LZIC: variants seen among roughly 807,000 people sequenced by gnomAD.
LZIC encodes leucine zipper and CTNNBIP1 domain containing, also known as protein LZIC.
A neutral mutation model predicts 25.4 loss-of-function variants in LZIC; 28 were observed. The ratio of observed to expected loss-of-function variants is 1.10; its 90% confidence interval spans 0.82 to 1.51. LZIC has a LOEUF of 1.51. Ranked by LOEUF, LZIC falls within the 40% of genes most tolerant of loss-of-function variation. The pLI is 0.00. For missense variants in LZIC, 170 were observed against 211.1 expected (o/e 0.81, Z 1.21); for synonymous variants, 65 against 70.7 (o/e 0.92, Z 0.40).
intron 2 of LZIC, among the ~76,000 whole-genome samples, chr1:9,941,962 G>C (rs989288315): frequency 6.6e-6 from 1 of 152,024 alleles, no homozygotes; most frequent in African/African-American, 2.4e-5. Context: ...TGTCGTCCAG[G>C]ATGGAGTGCA....
chr1:9,936,128 CAAAA>C (rs5772391), intron 3 of LZIC, among the ~76,000 whole-genome samples: 5 of 131,970 alleles, frequency 3.8e-5, no homozygotes, highest in South Asian at 2.4e-4. Context: ...GACTCTGTCT[CAAAA>C]AAAAAAAAAA....
chr1:9,922,598 TG>T (rs1356147478), downstream of LZIC, among the ~76,000 whole-genome samples: 5 of 152,246 alleles, frequency 3.3e-5, no homozygotes, highest in Admixed American at 2.0e-4. Context: ...GTGCTCAGCA[TG>T]GGAGCATTTC....
chr1:9,943,145 G>T (rs958402078), intron 1 of LZIC, 104 bp downstream of exon 1: 1 of 176,598 alleles, frequency 5.7e-6, no homozygotes, highest in Non-Finnish European at 1.2e-5. Context: ...GCGGGAACTT[G>T]AAGTCCGGCA....
chr1:9,936,348 C>T (rs1460570406), intron 3 of LZIC, among the ~76,000 whole-genome samples, 171 bp downstream of exon 3: 2 of 152,108 alleles, frequency 1.3e-5, no homozygotes, highest in Non-Finnish European at 2.9e-5. Flanking sequence ...CTTTCATTTC[C>T]CAGCCTTTAT....
At chr1:9,937,966 TG>T (rs1640534307) in intron 2 of LZIC, among the ~76,000 whole-genome samples, 1 of 151,650 alleles carries the variant, frequency 6.6e-6, no homozygotes, top group Non-Finnish European at 1.5e-5. Context: ...CAAAAATACC[TG>T]AAAGTCCTCT....
chr1:9,924,385 T>C (rs530589758), downstream of LZIC, among the ~76,000 whole-genome samples: 13 of 152,248 alleles, frequency 8.5e-5, no homozygotes, highest in South Asian at 2.1e-4. Flanking sequence ...GACGGAGTCT[T>C]GCTCTGTCAC....
rs1640113669 is a variant in LZIC at position 9,929,231 on chromosome 1, C to T, written c.*1168G>A. 1 of 795,466 alleles carries T rather than the reference C, an allele frequency of 1.3e-6. No individual in the cohort carries two copies. Among genetic ancestry groups the T allele is most frequent in the Admixed American group, 6.2e-5 (1 of 16,012 alleles). The allele number at this position is 795,466 out of a possible 1,614,324, so 49.3% of individuals were successfully genotyped here. ...AATAAGGCATCAGTGTAGCGGAGGT[C>T]CTCTAATCTGTCTGGTTGGCAAAGC... On this transcript the variant is annotated 3_prime_UTR_variant, in exon 8 of 8. Coordinates refer to ENST00000377223, the MANE Select transcript of LZIC (RefSeq NM_032368.5).
At chr1:9,923,407 G>A (rs899488768), downstream of LZIC, among the ~76,000 whole-genome samples, 1 of 151,432 alleles carries the variant, frequency 6.6e-6, no homozygotes, top group Non-Finnish European at 1.5e-5. Context: ...ACAGGGTTTC[G>A]CCATGTTGGC....
At chr1:9,924,861 G>A (rs1639944117), downstream of LZIC, among the ~76,000 whole-genome samples, 1 of 152,060 alleles carries the variant, frequency 6.6e-6, no homozygotes, top group African/African-American at 2.4e-5. Flanking sequence ...GACCTGCTAC[G>A]ATGTTTTACA....
Position 9,930,071 on chromosome 1 carries a change from C to T in LZIC, c.*328G>A, listed in dbSNP as rs1355455649. The T allele has an allele frequency of 5.7e-6, 6 of 1,058,170 alleles. No individual in the cohort carries two copies. Among genetic ancestry groups the T allele is most frequent in the East Asian group, 6.7e-5 (1 of 14,946 alleles). 65.5% of individuals were successfully genotyped at this position (1,058,170 alleles called of 1,614,324 possible). On this transcript the variant is annotated 3_prime_UTR_variant, in exon 8 of 8. Coordinates refer to ENST00000377223, the MANE Select transcript of LZIC (RefSeq NM_032368.5). ...AAAATATCATTACTTCACATCTTTTCGTTCACTATCAACACTTAAAAACAA... is the reference window on the plus strand; with the variant it reads ...AAAATATCATTACTTCACATCTTTTTGTTCACTATCAACACTTAAAAACAA...
downstream of LZIC, chr1:9,922,216 G>T (rs759651412): frequency 7.9e-5 from 68 of 857,184 alleles, no homozygotes; most frequent in Non-Finnish European, 9.1e-5. Context: ...TTTAACTTGG[G>T]TTCATCCTTT....
At position 9,927,989 on chromosome 1, in the gene LZIC, T is replaced by A. The variant is rs915661600; in HGVS notation, c.*2410A>T. On this transcript the variant is annotated 3_prime_UTR_variant, in exon 8 of 8. Transcript: ENST00000377223. The stretch of plus-strand genomic sequence containing the variant: ...TGCCCGACTGGTGGGAAGAATCTTC[T>A]ATGGCTTAAAAAACAAACGTAGGCT... 2.6e-5 allele frequency among the ~76,000 whole-genome samples: 4 copies of A among 151,982 alleles called. No individual in the cohort carries two copies. Among genetic ancestry groups the A allele is most frequent in the African/African-American group, 9.7e-5 (4 of 41,424 alleles).
In LZIC at chr1:9,934,845, T is replaced by C; in HGVS notation, c.253A>G (p.Ile85Val). 1 of 1,614,072 alleles carries C rather than the reference T, an allele frequency of 6.2e-7. No homozygotes were observed. The highest frequency in any genetic ancestry group is 8.5e-7 in the Non-Finnish European group (1 of 1,179,970). The change falls in exon 5 of 8, where the codon ATC becomes GTC. Residue 85 changes from isoleucine to valine, a missense_variant. By Grantham distance (29) the Ile-to-Val change is conservative. Transcript: ENST00000377223. ...SGMQLAIQAAISQAFKTPEVI... is the reference protein window; with the variant it reads ...SGMQLAIQAAVSQAFKTPEVI... ...TCTGGGGTTTTAAAGGCCTGGCTGATAGCTGCCTGAATAGCCTAGAAACAC... is the reference window on the plus strand; with the variant it reads ...TCTGGGGTTTTAAAGGCCTGGCTGACAGCTGCCTGAATAGCCTAGAAACAC...
At chr1:9,926,253 T>C (rs1639980615), downstream of LZIC, among the ~76,000 whole-genome samples, 1 of 152,150 alleles carries the variant, frequency 6.6e-6, no homozygotes, top group South Asian at 2.1e-4. Flanking sequence ...TCACTGGTCT[T>C]AGCAATAAAT....
At position 9,927,739 on chromosome 1, in the gene LZIC, A is replaced by G. The variant is rs2101577744; in HGVS notation, c.*2660T>C. Among the ~76,000 whole-genome samples, 1 of 130,898 alleles carries G rather than the reference A, an allele frequency of 7.6e-6. No homozygotes were observed. The highest frequency in any genetic ancestry group is 2.4e-4 in the South Asian group (1 of 4,226). 85.9% of individuals were successfully genotyped at this position (130,898 alleles called of 152,430 possible). ...CAGTCTGTCGCCCAGGCTGGAGTGCAGTGGCGCCATCTCGGCTCACCGAAA... is the reference window on the plus strand; with the variant it reads ...CAGTCTGTCGCCCAGGCTGGAGTGCGGTGGCGCCATCTCGGCTCACCGAAA... On this transcript the variant is annotated 3_prime_UTR_variant, in exon 8 of 8. Coordinates refer to ENST00000377223, the MANE Select transcript of LZIC (RefSeq NM_032368.5).
downstream of LZIC, among the ~76,000 whole-genome samples, chr1:9,923,717 A>G (rs1016811827): frequency 2.0e-5 from 3 of 151,750 alleles, no homozygotes; most frequent in South Asian, 6.3e-4. Flanking sequence ...AATATTTTAA[A>G]TATTTTGTGA....
rs1364764963 is a variant in LZIC, at chr1:9,929,934, CAG to C, written c.*463_*464del. 2.1e-6 allele frequency: 2 copies of C among 963,812 alleles called. No individual in the cohort carries two copies. The highest frequency in any genetic ancestry group is 2.5e-6 in the Non-Finnish European group (2 of 810,380). The allele number at this position is 963,812 out of a possible 1,614,324, so 59.7% of individuals were successfully genotyped here. A position where few individuals can be genotyped will look rare whatever the true frequency, so the allele number is the denominator to read the frequency against. ...ACCTCAGTTTCCTTGTTTGTAAAAA[CAG>C]AAATGATTTCTAAGATCACTCAGAA... On this transcript the variant is annotated 3_prime_UTR_variant, in exon 8 of 8. Transcript: ENST00000377223.
chr1:9,940,565 G>A lies in LZIC; in HGVS notation c.-9+2059C>T, dbSNP rs529792446. ...AATCTCCTGACCTCGTGATCCGCCC[G>A]CCTCGGCCTCCCAAAGTGCTGGGGT... On this transcript the variant is annotated intron_variant, in intron 2 of 7. Coordinates refer to ENST00000377223, the MANE Select transcript of LZIC (RefSeq NM_032368.5). Among the ~76,000 whole-genome samples the A allele has an allele frequency of 4.7e-5, 7 of 149,540 alleles. No individual in the cohort carries two copies. In the South Asian group the frequency reaches 1.1e-3, roughly 23 times the overall value.
chr1:9,939,542 C>CTTTTTTTTTT (rs34837155), intron 2 of LZIC, among the ~76,000 whole-genome samples: 2 of 81,980 alleles, frequency 2.4e-5, no homozygotes, highest in Non-Finnish European at 4.5e-5. Flanking sequence ...CCACATCTGC[C>CTTTTTTTTTT]TTTTTTTTTT....
Sources: gnomAD v4.1 joint callset for allele counts (sites outside exome capture counted in the v4.1 genomes callset) on GRCh38, gnomAD v4.1.1 for gene constraint, MANE v1.5 for transcripts, NCBI Gene and HGNC (gene_info 2026-07-23, HGNC 2026-07-21) for gene names.